PCDH9: variants seen among roughly 807,000 people sequenced by gnomAD.
PCDH9 encodes protocadherin 9.
PCDH9 carries 24 observed loss-of-function variants against 70.6 expected under a neutral mutation model. The observed-to-expected ratio is 0.34, with a 90% CI of 0.25 to 0.48. The LOEUF (loss-of-function observed/expected upper bound fraction) is 0.48. Among genes scored for constraint, PCDH9 ranks in the 20% least tolerant of loss-of-function variants. PCDH9 has a pLI of 0.99. For synonymous variants in PCDH9, 562 were observed against 558.5 expected, an observed-to-expected ratio of 1.01 and a Z score of -0.09; for missense variants, 1,281 against 1,503.6, an observed-to-expected ratio of 0.85 and a Z score of 2.45.
At chr13:66,428,294 TA>T (rs1442163349) in intron 4 of PCDH9, among the ~76,000 whole-genome samples, 9 of 151,686 alleles carry the variant, frequency 5.9e-5, no homozygotes, top group Non-Finnish European at 1.3e-4. Context: ...CTCAGATAAG[TA>T]AAAACTATGT....
At position 66,836,483 on chromosome 13, in the gene PCDH9, G is replaced by A. The variant is rs573585056; in HGVS notation, c.3138+67021C>T. Among the ~76,000 whole-genome samples, 23 of 151,872 alleles carry A rather than the reference G, an allele frequency of 1.5e-4. No homozygotes were observed. In the East Asian group the frequency reaches 2.1e-3, roughly 14 times the overall value. ...CAAACTTGACCCTCTTAATAATTCC[G>A]TTCAATTTCCTTTCTTTGTTGTATC... On this transcript the variant is annotated intron_variant, in intron 3 of 4. Coordinates refer to ENST00000377865, the MANE Select transcript of PCDH9 (RefSeq NM_203487.3).
chr13:66,901,561 A>T (rs952872920), intron 3 of PCDH9, among the ~76,000 whole-genome samples: 1 of 151,736 alleles, frequency 6.6e-6, no homozygotes, highest in Non-Finnish European at 1.5e-5. Context: ...TTCTTTGTTT[A>T]TAAATAAACT....
intron 3 of PCDH9, among the ~76,000 whole-genome samples, chr13:66,879,173 TA>T (rs1412678025): frequency 3.9e-5 from 6 of 152,140 alleles, no homozygotes; most frequent in African/African-American, 1.4e-4. Context: ...TGGAGTCAAA[TA>T]AAAAATCTAT....
At chr13:66,923,873 T>G (rs1048721795) in intron 2 of PCDH9, among the ~76,000 whole-genome samples, 1 of 151,778 alleles carries the variant, frequency 6.6e-6, no homozygotes, top group Non-Finnish European at 1.5e-5. Flanking sequence ...TATAAACTAT[T>G]TTATGAAAAT....
At chr13:66,404,745 A>G (rs1238854628) in intron 4 of PCDH9, among the ~76,000 whole-genome samples, 1 of 152,012 alleles carries the variant, frequency 6.6e-6, no homozygotes, top group Non-Finnish European at 1.5e-5. Context: ...ACTAAATAAT[A>G]TTTCAATATT....
intron 3 of PCDH9, among the ~76,000 whole-genome samples, chr13:66,815,087 A>G (rs1354085645): frequency 6.6e-6 from 1 of 152,094 alleles, no homozygotes; most frequent in Non-Finnish European, 1.5e-5. Context: ...AACACAAATA[A>G]TCTCATTCAA....
chr13:66,428,415 A>G (rs1002517379), intron 4 of PCDH9, among the ~76,000 whole-genome samples: 2 of 151,756 alleles, frequency 1.3e-5, no homozygotes, highest in South Asian at 2.1e-4. Context: ...CTGGAACTAG[A>G]TGAAGGTCTT....
intron 4 of PCDH9, among the ~76,000 whole-genome samples, chr13:66,505,341 A>G (rs1280852428): frequency 6.6e-6 from 1 of 152,116 alleles, no homozygotes; most frequent in Non-Finnish European, 1.5e-5. Flanking sequence ...GAGTAAAGTC[A>G]CATCTTACAT....
At chr13:66,670,705 A>T (rs1013829214) in intron 3 of PCDH9, among the ~76,000 whole-genome samples, 1 of 152,076 alleles carries the variant, frequency 6.6e-6, no homozygotes, top group Non-Finnish European at 1.5e-5. Context: ...TCATACATTC[A>T]CAGGTACTGA....
Position 67,135,039 on chromosome 13 carries a change from A to T in PCDH9, c.3036+90366T>A, listed in dbSNP as rs549309037. On this transcript the variant is annotated intron_variant, in intron 2 of 4. Transcript: ENST00000377865. ...TATCCAAATTATTTCTGTATAAGAA[A>T]GATTAACATTATCTACTATTCCTAA... 2.0e-5 allele frequency among the ~76,000 whole-genome samples: 3 copies of T among 152,232 alleles called. No homozygotes were observed. The East Asian group carries it at 5.8e-4, about 29-fold the overall frequency.
chr13:66,433,373 A>G (rs929287494), intron 4 of PCDH9, among the ~76,000 whole-genome samples: 1 of 151,882 alleles, frequency 6.6e-6, no homozygotes, highest in Non-Finnish European at 1.5e-5. Context: ...CTTAGCAAAC[A>G]AAAAGTGCTC....
chr13:66,681,969 T>TATATATATATATATATA (rs1184051895), intron 3 of PCDH9, among the ~76,000 whole-genome samples: 1 of 52,472 alleles, frequency 1.9e-5, no homozygotes, highest in Non-Finnish European at 4.0e-5. Flanking sequence ...ATATATATAT[T>TATATATATATATATATA]TGAGAGATTT....
At chr13:66,540,706 A>G (rs966307089) in intron 4 of PCDH9, among the ~76,000 whole-genome samples, 6 of 152,202 alleles carry the variant, frequency 3.9e-5, no homozygotes, top group Admixed American at 3.3e-4. Flanking sequence ...CCCTTTGGGC[A>G]GATTTTAACT....
At chr13:66,414,209 C>T (rs1213408167) in intron 4 of PCDH9, among the ~76,000 whole-genome samples, 2 of 152,182 alleles carry the variant, frequency 1.3e-5, no homozygotes, top group East Asian at 3.9e-4. Flanking sequence ...GATCAACTTG[C>T]TTTCATGTGT....
chr13:66,390,683 C>A (rs1030868724), intron 4 of PCDH9, among the ~76,000 whole-genome samples: 1 of 151,242 alleles, frequency 6.6e-6, no homozygotes, highest in African/African-American at 2.4e-5. Context: ...TTGCAGTGAG[C>A]CAAGATCATG....
chr13:66,445,796 CATACACATATATTATATATACACATATAT>C (rs1173682246), intron 4 of PCDH9, among the ~76,000 whole-genome samples: 21 of 132,598 alleles, frequency 1.6e-4, no homozygotes, highest in Admixed American at 2.6e-4. Context: ...ATATATAATA[CATACACATATATTATATATACACATATAT>C]ACACACACAC....
chr13:66,560,398 T>C (rs1214335571), intron 4 of PCDH9, among the ~76,000 whole-genome samples: 1 of 151,120 alleles, frequency 6.6e-6, no homozygotes, highest in African/African-American at 2.5e-5. Flanking sequence ...CCAGTGGCCC[T>C]GAGGGACCAA....
intron 3 of PCDH9, among the ~76,000 whole-genome samples, chr13:66,665,285 G>T (rs2078080209): frequency 6.6e-6 from 1 of 151,960 alleles, no homozygotes; most frequent in South Asian, 2.1e-4. Context: ...TTTTAGTAGA[G>T]ACAGGGTCTC....
At chr13:66,350,975 C>T (rs752344633) in intron 4 of PCDH9, among the ~76,000 whole-genome samples, 15 of 152,138 alleles carry the variant, frequency 9.9e-5, no homozygotes, top group Non-Finnish European at 1.3e-4. Context: ...AATCTTTTCT[C>T]ATGTCTACAG....
Sources: allele counts gnomAD v4.1 joint callset (sites outside exome capture counted in the v4.1 genomes callset), GRCh38; gene constraint gnomAD v4.1.1; transcripts MANE v1.5; gene names NCBI Gene and HGNC (gene_info 2026-07-23, HGNC 2026-07-21).